NALF1: variants seen among roughly 807,000 people sequenced by gnomAD.
The protein encoded by NALF1 is NALCN channel auxiliary factor 1, also known as family with sequence similarity 155 member A.
A neutral mutation model predicts 48.4 loss-of-function variants in NALF1; 3 were observed. That is an observed-to-expected ratio of 0.06 (90% CI 0.03 to 0.16). The LOEUF is 0.16. Among genes scored for constraint, NALF1 ranks in the 10% least tolerant of loss-of-function variants. The pLI is 1.00. For synonymous variants in NALF1, 262 were observed against 245.7 expected (o/e 1.07, Z -0.62); for missense variants, 526 against 571.5 (o/e 0.92, Z 0.81).
intron 1 of NALF1, among the ~76,000 whole-genome samples, chr13:107,414,172 A>C (rs1330856037): frequency 2.0e-5 from 3 of 152,024 alleles, no homozygotes; most frequent in Non-Finnish European, 4.4e-5. Flanking sequence ...ATAATCATTA[A>C]AAAACTTCTC....
chr13:107,831,948 G>A lies in NALF1; in HGVS notation c.915+33734C>T, dbSNP rs547873081. ...TAAGGAAGATGGGAATTCAAAAATCGCATTTCAATTGTTTGAGGAAAAAAA... is the reference window on the plus strand; with the variant it reads ...TAAGGAAGATGGGAATTCAAAAATCACATTTCAATTGTTTGAGGAAAAAAA... On this transcript the variant is annotated intron_variant, in intron 1 of 2. Transcript: ENST00000375915. Among the ~76,000 whole-genome samples, 6 of 152,138 alleles carry A rather than the reference G, an allele frequency of 3.9e-5. No homozygotes were observed. The South Asian group carries it at 6.2e-4, about 16-fold the overall frequency.
chr13:107,392,713 G>A (rs547454371), intron 1 of NALF1, among the ~76,000 whole-genome samples: 1 of 152,200 alleles, frequency 6.6e-6, no homozygotes, highest in South Asian at 2.1e-4. Context: ...GCATGTGTGT[G>A]TAATCTCAAG....
chr13:107,783,773 C>G (rs202229010), intron 1 of NALF1, among the ~76,000 whole-genome samples: 28,737 of 150,950 alleles, frequency 0.19, 2,818 homozygotes, highest in Middle Eastern at 0.22. Context: ...GACCTTTGTT[C>G]ACTTGTTTAT....
chr13:107,176,424 C>T (rs898630524), intron 2 of NALF1, among the ~76,000 whole-genome samples: 70 of 149,864 alleles, frequency 4.7e-4, no homozygotes, highest in Non-Finnish European at 9.3e-4. Flanking sequence ...AGGCAGATCA[C>T]GAGGTCAGGA....
intron 2 of NALF1, among the ~76,000 whole-genome samples, chr13:107,177,322 T>G (rs915513297): frequency 1.3e-5 from 2 of 152,118 alleles, no homozygotes; most frequent in African/African-American, 4.8e-5. Context: ...GCAATCCCTA[T>G]AAAAAAATTA....
At chr13:107,844,436 G>A (rs1006060164) in intron 1 of NALF1, among the ~76,000 whole-genome samples, 1 of 152,082 alleles carries the variant, frequency 6.6e-6, no homozygotes, top group African/African-American at 2.4e-5. Flanking sequence ...CTTCAATGAA[G>A]TTTTAAGGAA....
intron 1 of NALF1, among the ~76,000 whole-genome samples, chr13:107,827,661 ATT>A (rs1879561441): frequency 6.6e-6 from 1 of 152,134 alleles, no homozygotes; most frequent in Non-Finnish European, 1.5e-5. Context: ...TTGTTTTTAT[ATT>A]TGTTTGTTAA....
At chr13:107,745,160 T>G (rs1876750779) in intron 1 of NALF1, among the ~76,000 whole-genome samples, 1 of 152,224 alleles carries the variant, frequency 6.6e-6, no homozygotes. Flanking sequence ...CAACTAAAAC[T>G]TAAACAAAAT....
At chr13:107,211,817 G>C (rs144432340) in intron 1 of NALF1, among the ~76,000 whole-genome samples, 2,806 of 152,230 alleles carry the variant, frequency 0.018, 93 homozygotes, top group Non-Finnish European at 0.017. Context: ...AAGAATAATA[G>C]CTGGTATTTA....
chr13:107,449,849 G>T (rs1884711219), intron 1 of NALF1, among the ~76,000 whole-genome samples: 1 of 152,132 alleles, frequency 6.6e-6, no homozygotes, highest in Non-Finnish European at 1.5e-5. Context: ...CAAATTTACA[G>T]TTAAGGAAAC....
chr13:107,525,927 T>A (rs1876419206), intron 1 of NALF1, among the ~76,000 whole-genome samples: 1 of 152,154 alleles, frequency 6.6e-6, no homozygotes, highest in African/African-American at 2.4e-5. Context: ...TTACTATCCA[T>A]ATATCCTATT....
chr13:107,356,557 T>A (rs1027656086), intron 1 of NALF1, among the ~76,000 whole-genome samples: 1 of 152,206 alleles, frequency 6.6e-6, no homozygotes, highest in African/African-American at 2.4e-5. Context: ...CTAGTATTTG[T>A]TCCATAGTCT....
At chr13:107,283,224 G>A (rs1460055249) in intron 1 of NALF1, among the ~76,000 whole-genome samples, 1 of 152,136 alleles carries the variant, frequency 6.6e-6, no homozygotes, top group Non-Finnish European at 1.5e-5. Flanking sequence ...GGAATAGGGA[G>A]AGGGTTGTAA....
chr13:107,609,240 C>T (rs1205471779), intron 1 of NALF1, among the ~76,000 whole-genome samples: 1 of 152,226 alleles, frequency 6.6e-6, no homozygotes, highest in Non-Finnish European at 1.5e-5. Context: ...CCCTCTCCCA[C>T]ACCATTCATT....
chr13:107,417,363 T>G (rs1405665470), intron 1 of NALF1, among the ~76,000 whole-genome samples: 1 of 152,158 alleles, frequency 6.6e-6, no homozygotes, highest in Non-Finnish European at 1.5e-5. Context: ...ACATCAGACT[T>G]TCCAAGAGGT....
intron 1 of NALF1, among the ~76,000 whole-genome samples, chr13:107,625,973 T>G (rs1879662264): frequency 6.6e-6 from 1 of 152,060 alleles, no homozygotes; most frequent in Non-Finnish European, 1.5e-5. Context: ...CTGAGGGCAT[T>G]TGCTGGGCTC....
At chr13:107,421,550 G>C (rs1169925669) in intron 1 of NALF1, among the ~76,000 whole-genome samples, 1 of 152,140 alleles carries the variant, frequency 6.6e-6, no homozygotes, top group Non-Finnish European at 1.5e-5. Context: ...TCACAGGGTA[G>C]CTATACTGTT....
chr13:107,251,939 A>C (rs1880708401), intron 1 of NALF1, among the ~76,000 whole-genome samples: 1 of 152,196 alleles, frequency 6.6e-6, no homozygotes, highest in Non-Finnish European at 1.5e-5. Context: ...AAAGCAGAGA[A>C]GGGTGTCTGA....
At chr13:107,192,107 T>C (rs941742554) in intron 2 of NALF1, among the ~76,000 whole-genome samples, 4 of 151,816 alleles carry the variant, frequency 2.6e-5, no homozygotes, top group Admixed American at 6.6e-5. Context: ...AGAAGCAACA[T>C]AAAAGAGAAA....
Sources: gnomAD v4.1 joint callset for allele counts (sites outside exome capture counted in the v4.1 genomes callset) on GRCh38, gnomAD v4.1.1 for gene constraint, MANE v1.5 for transcripts, NCBI Gene and HGNC (gene_info 2026-07-23, HGNC 2026-07-21) for gene names.